Variants in TCF4 observed in about 807,000 individuals in gnomAD.
The protein encoded by TCF4 is SL3-3 enhancer factor 2.
Under a neutral mutation model 82.1 loss-of-function variants are expected in TCF4, and 3 were observed. The observed-to-expected ratio is 0.04, with a 90% confidence interval of 0.02 to 0.09. TCF4 has a LOEUF of 0.09. Ranked by LOEUF, TCF4 falls within the 10% of genes least tolerant of loss-of-function variation. The pLI is 1.00. For synonymous variants in TCF4, 276 were observed against 309.6 expected (o/e 0.89, Z 1.14); for missense variants, 518 against 852.7 (o/e 0.61, Z 4.89).
chr18:55,256,734 A>G (rs889463309), intron 14 of TCF4, among the ~76,000 whole-genome samples: 11 of 152,162 alleles, frequency 7.2e-5, no homozygotes, highest in African/African-American at 2.4e-4. Flanking sequence ...TGTTTCCTGC[A>G]TATTTCTGGC....
upstream of TCF4, among the ~76,000 whole-genome samples, chr18:55,591,448 C>G (rs1028008617): frequency 6.6e-6 from 1 of 152,184 alleles, no homozygotes; most frequent in Non-Finnish European, 1.5e-5. Context: ...ATTAGATAAT[C>G]CAATAAAACC....
intron 5 of TCF4, among the ~76,000 whole-genome samples, chr18:55,414,887 T>C (rs2094473438): frequency 6.6e-6 from 1 of 152,242 alleles, no homozygotes; most frequent in Non-Finnish European, 1.5e-5. Flanking sequence ...TAATTTGGTT[T>C]GCAAGGAAAC....
At chr18:55,307,186 G>T in intron 8 of TCF4, among the ~76,000 whole-genome samples, 1 of 152,144 alleles carries the variant, frequency 6.6e-6, no homozygotes, top group East Asian at 1.9e-4. Context: ...TCCATTTCAG[G>T]ATTTAACATC....
In TCF4 at chr18:55,222,494, A is replaced by T. The variant is rs77046538; in HGVS notation, c.*5541T>A. 1 of 152,320 alleles carries T rather than the reference A, an allele frequency of 6.6e-6. No homozygotes were observed. Among genetic ancestry groups the T allele is most frequent in the Non-Finnish European group, 1.5e-5 (1 of 67,938 alleles). 9.4% of individuals were successfully genotyped at this position (152,320 alleles called of 1,614,324 possible). A position where few individuals can be genotyped will look rare whatever the true frequency, so the allele number is the denominator to read the frequency against. On this transcript the variant is annotated 3_prime_UTR_variant, in exon 20 of 20. Transcript: ENST00000354452. ...CCAACCAAAAACGAAAAAAAAAAAAATCCCAACATTTGGCTATGGAGGGCA... is the reference window on the plus strand; with the variant it reads ...CCAACCAAAAACGAAAAAAAAAAAATTCCCAACATTTGGCTATGGAGGGCA...
At chr18:55,615,966 T>C (rs1420923507) in intron 2 of TCF4, among the ~76,000 whole-genome samples, 1 of 152,128 alleles carries the variant, frequency 6.6e-6, no homozygotes, top group African/African-American at 2.4e-5. Context: ...TTTTGTTTTT[T>C]TATTGTGTTA....
chr18:55,369,681 T>G (rs932178469), intron 6 of TCF4, among the ~76,000 whole-genome samples: 1 of 152,102 alleles, frequency 6.6e-6, no homozygotes, highest in Admixed American at 6.5e-5. Flanking sequence ...ATTTAAATAT[T>G]CTAATTTTGG....
chr18:55,576,609 C>T (rs561712782), intron 3 of TCF4, among the ~76,000 whole-genome samples: 2 of 152,256 alleles, frequency 1.3e-5, no homozygotes, highest in Non-Finnish European at 2.9e-5. Flanking sequence ...CACGCTCAGT[C>T]TCACTACCTA....
chr18:55,228,034 A>C lies in TCF4; in HGVS notation c.*5-4T>G, dbSNP rs1178920773. 4 of 701,924 alleles carry C rather than the reference A, an allele frequency of 5.7e-6. No individual in the cohort carries two copies. The highest frequency in any genetic ancestry group is 6.8e-6 in the Non-Finnish European group (3 of 441,602). The allele number at this position is 701,924 out of a possible 1,614,324, so 43.5% of individuals were successfully genotyped here. A position where few individuals can be genotyped will look rare whatever the true frequency, so the allele number is the denominator to read the frequency against. ...GAAGCAATGTGGCAACTTGGACCTG[A>C]GAAAGGAAAAAAGAGAGAAAAAATT... On this transcript the variant is annotated splice_region_variant and splice_polypyrimidine_tract_variant and intron_variant, in intron 19 of 19. Transcript: ENST00000354452.
intron 6 of TCF4, among the ~76,000 whole-genome samples, chr18:55,369,965 G>A (rs1339160993): frequency 1.3e-5 from 2 of 152,154 alleles, no homozygotes; most frequent in Non-Finnish European, 2.9e-5. Flanking sequence ...ATAGATCAAA[G>A]GGAAGCTGCC....
At chr18:55,425,210 T>A (rs1257161094) in intron 5 of TCF4, among the ~76,000 whole-genome samples, 3 of 152,216 alleles carry the variant, frequency 2.0e-5, no homozygotes, top group Non-Finnish European at 4.4e-5. Context: ...TGCATGCCAT[T>A]CCATTTACAG....
chr18:55,589,996 G>T (rs947301001), upstream of TCF4: 1 of 202,146 alleles, frequency 4.9e-6, no homozygotes, highest in Non-Finnish European at 8.9e-6. Context: ...CGCGTGGGGC[G>T]GCACTGTGGG....
chr18:55,459,362 T>A (rs2095830048), intron 5 of TCF4, among the ~76,000 whole-genome samples: 1 of 152,236 alleles, frequency 6.6e-6, no homozygotes, highest in Non-Finnish European at 1.5e-5. Context: ...TACTGCTTGG[T>A]GTATTCTGTA....
chr18:55,625,267 C>T (rs963412126), intron 2 of TCF4, among the ~76,000 whole-genome samples: 1 of 143,786 alleles, frequency 7.0e-6, no homozygotes, highest in Non-Finnish European at 1.5e-5. Context: ...GAGATGGGAA[C>T]TTGCTTTGTC....
At chr18:55,310,731 T>G (rs531721854) in intron 8 of TCF4, among the ~76,000 whole-genome samples, 1 of 152,340 alleles carries the variant, frequency 6.6e-6, no homozygotes, top group East Asian at 1.9e-4. Flanking sequence ...TATGATGTTA[T>G]GATGTTAATG....
chr18:55,607,393 G>A (rs937078662), intron 2 of TCF4, among the ~76,000 whole-genome samples: 3 of 152,170 alleles, frequency 2.0e-5, no homozygotes, highest in African/African-American at 4.8e-5. Context: ...TGTATAAGGT[G>A]GAGTGGAGAT....
chr18:55,343,146 G>C (rs2144501934), intron 8 of TCF4, among the ~76,000 whole-genome samples: 1 of 152,178 alleles, frequency 6.6e-6, no homozygotes, highest in South Asian at 2.1e-4. Flanking sequence ...CAGTTTTCAT[G>C]ATTAAATGTA....
intron 2 of TCF4, among the ~76,000 whole-genome samples, chr18:55,598,316 G>A (rs2097693298): frequency 6.6e-6 from 1 of 152,226 alleles, no homozygotes; most frequent in Non-Finnish European, 1.5e-5. Flanking sequence ...TAGGGTTTGT[G>A]AGAAGAACCA....
chr18:55,312,856 T>C (rs2072982612), intron 8 of TCF4, among the ~76,000 whole-genome samples: 1 of 152,176 alleles, frequency 6.6e-6, no homozygotes, highest in Non-Finnish European at 1.5e-5. Context: ...AAGTTTTTAA[T>C]ACGGCACAGG....
chr18:55,482,265 G>A (rs1220863062), intron 3 of TCF4: 1 of 152,150 alleles, frequency 6.6e-6, no homozygotes, highest in Non-Finnish European at 1.5e-5. Flanking sequence ...GTCTATAAAA[G>A]AGCAAAATTC....
Sources: gnomAD v4.1 joint callset for allele counts (sites outside exome capture counted in the v4.1 genomes callset) on GRCh38, gnomAD v4.1.1 for gene constraint, MANE v1.5 for transcripts, NCBI Gene and HGNC (gene_info 2026-07-23, HGNC 2026-07-21) for gene names.